The following SFMBT2 variants were observed in gnomAD, a reference collection of about 807,000 sequenced individuals.
SFMBT2 encodes scm-like with four MBT domains protein 2.
A neutral mutation model predicts 110.1 loss-of-function variants in SFMBT2; 38 were observed. That is an observed-to-expected ratio of 0.35 (90% CI 0.27 to 0.45). SFMBT2 has a LOEUF of 0.45. Ranked by LOEUF, SFMBT2 falls within the 20% of genes least tolerant of loss-of-function variation. SFMBT2 has a pLI of 1.00. For missense variants in SFMBT2, 1,011 were observed against 1,094.9 expected (o/e 0.92, Z 1.08); for synonymous variants, 425 against 425.4 (o/e 1.00, Z 0.01).
chr10:7,217,958 T>C (rs1270873665), intron 11 of SFMBT2, among the ~76,000 whole-genome samples: 2 of 152,228 alleles, frequency 1.3e-5, no homozygotes, highest in African/African-American at 2.4e-5. Context: ...TCATGTAGTT[T>C]ATTCATTGCT....
intron 4 of SFMBT2, among the ~76,000 whole-genome samples, chr10:7,357,000 A>C (rs1844537041): frequency 6.6e-6 from 1 of 152,228 alleles, no homozygotes; most frequent in African/African-American, 2.4e-5. Context: ...CACAGCATTA[A>C]AGATAATCCA....
At chr10:7,228,496 G>C in intron 9 of SFMBT2, 8 of 337,782 alleles carry the variant, frequency 2.4e-5, no homozygotes, top group Non-Finnish European at 2.9e-5. Context: ...AATGAGGGAA[G>C]GAAGGCAAAC....
intron 4 of SFMBT2, among the ~76,000 whole-genome samples, chr10:7,362,800 A>G (rs1358963509): frequency 6.6e-6 from 1 of 152,348 alleles, no homozygotes; most frequent in East Asian, 1.9e-4. Flanking sequence ...TGCTGACCTA[A>G]TGACAGTGTC....
At chr10:7,407,855 C>G (rs1846259996) in intron 1 of SFMBT2, among the ~76,000 whole-genome samples, 1 of 152,100 alleles carries the variant, frequency 6.6e-6, no homozygotes, top group Non-Finnish European at 1.5e-5. Flanking sequence ...ATCCGCGTCC[C>G]CGGGAACTCC....
intron 11 of SFMBT2, among the ~76,000 whole-genome samples, chr10:7,211,575 G>A (rs535009660): frequency 4.6e-5 from 7 of 152,156 alleles, no homozygotes; most frequent in South Asian, 4.2e-4. Context: ...CACCTGTGGC[G>A]GGATTAAACG....
intron 9 of SFMBT2, among the ~76,000 whole-genome samples, chr10:7,228,979 C>G (rs1365645169): frequency 6.6e-6 from 1 of 151,966 alleles, no homozygotes; most frequent in Non-Finnish European, 1.5e-5. Context: ...AAAATCAAAC[C>G]AATGGACAGG....
rs552395938 is a variant in SFMBT2, at chr10:7,216,883, C to T, written c.1330+3528G>A. On this transcript the variant is annotated intron_variant, in intron 11 of 20. Coordinates refer to ENST00000397167, the MANE Select transcript of SFMBT2 (RefSeq NM_001387889.1). ...TCCCTGGGGACACTTCCAAGGAAGC[C>T]GAGGAATCAGGACCAGCCCCTCTAT... is the stretch of plus-strand genomic sequence containing the variant. Among the ~76,000 whole-genome samples, 10 of 152,258 alleles carry T rather than the reference C, an allele frequency of 6.6e-5. No homozygotes were observed. In the East Asian group the frequency reaches 1.5e-3, roughly 24 times the overall value.
rs186438050 is a variant in SFMBT2 at position 7,203,636 on chromosome 10, T to C, written c.1445-1114A>G. The C allele has an allele frequency of 1.8e-4, 173 of 970,122 alleles. 1 individual carries two copies. In the African/African-American group the frequency reaches 1.9e-3, roughly 11 times the overall value. 60.1% of individuals were successfully genotyped at this position (970,122 alleles called of 1,614,324 possible). On this transcript the variant is annotated intron_variant, in intron 12 of 20. Coordinates refer to ENST00000397167, the MANE Select transcript of SFMBT2 (RefSeq NM_001387889.1). ...TGAGGGACAACAAGGACAGAGGGGATTGGAACCCCAACCCCAGGACAACAC... is the reference window on the plus strand; with the variant it reads ...TGAGGGACAACAAGGACAGAGGGGACTGGAACCCCAACCCCAGGACAACAC...
chr10:7,303,280 T>C (rs1351503460), intron 4 of SFMBT2, among the ~76,000 whole-genome samples: 2 of 152,240 alleles, frequency 1.3e-5, no homozygotes, highest in Non-Finnish European at 2.9e-5. Context: ...TAACTTATGG[T>C]TTTCTTCCTG....
At chr10:7,220,213 T>C (rs143335135) in intron 11 of SFMBT2, among the ~76,000 whole-genome samples, 198 bp downstream of exon 11, 2,464 of 152,342 alleles carry the variant, frequency 0.016, 33 homozygotes, top group Admixed American at 0.021. Context: ...TGCATGAAAT[T>C]ATTAGTTAAG....
intron 4 of SFMBT2, among the ~76,000 whole-genome samples, chr10:7,311,045 CAAAAA>C (rs201310544): frequency 5.2e-5 from 5 of 96,942 alleles, no homozygotes; most frequent in African/African-American, 1.6e-4. Context: ...AACTCCATCT[CAAAAA>C]AAAAAAAAAA....
chr10:7,325,634 T>G (rs1249189432), intron 4 of SFMBT2, among the ~76,000 whole-genome samples: 1 of 152,122 alleles, frequency 6.6e-6, no homozygotes, highest in Non-Finnish European at 1.5e-5. Context: ...CGTAAGAAAA[T>G]AAAGCACACT....
intron 7 of SFMBT2, among the ~76,000 whole-genome samples, chr10:7,253,530 C>T (rs1395851091): frequency 1.3e-5 from 2 of 152,106 alleles, no homozygotes; most frequent in Non-Finnish European, 2.9e-5. Context: ...AAAAACAGTT[C>T]GTAAGTTATA....
intron 13 of SFMBT2, among the ~76,000 whole-genome samples, chr10:7,201,639 CT>C (rs1838962527): frequency 6.6e-6 from 1 of 152,188 alleles, no homozygotes; most frequent in Admixed American, 6.5e-5. Context: ...CTGTTTTCAC[CT>C]GTCTTTCCAT....
intron 16 of SFMBT2, among the ~76,000 whole-genome samples, chr10:7,184,814 G>A (rs1273836446): frequency 6.6e-6 from 1 of 152,132 alleles, no homozygotes; most frequent in Non-Finnish European, 1.5e-5. Flanking sequence ...TCAAATGCTG[G>A]AGGAAGAATT....
At chr10:7,214,121 G>C (rs1198775713) in intron 11 of SFMBT2, among the ~76,000 whole-genome samples, 2 of 152,144 alleles carry the variant, frequency 1.3e-5, no homozygotes, top group Non-Finnish European at 2.9e-5. Flanking sequence ...GTAGAGAAAC[G>C]TACTAAAAAG....
At chr10:7,213,797 C>CAG (rs1839438750) in intron 11 of SFMBT2, among the ~76,000 whole-genome samples, 1 of 150,812 alleles carries the variant, frequency 6.6e-6, no homozygotes, top group Non-Finnish European at 1.5e-5. Flanking sequence ...GGCCATGGTG[C>CAG]GGGCACTCAG....
chr10:7,185,596 A>G (rs192663684), intron 16 of SFMBT2, among the ~76,000 whole-genome samples: 1 of 152,260 alleles, frequency 6.6e-6, no homozygotes, highest in Non-Finnish European at 1.5e-5. Context: ...GATAAGTGAC[A>G]GTGAGCTCTA....
chr10:7,392,742 T>A (rs1422023344), intron 1 of SFMBT2, among the ~76,000 whole-genome samples: 3 of 151,936 alleles, frequency 2.0e-5, no homozygotes, highest in Non-Finnish European at 4.4e-5. Context: ...GTCAGATCTA[T>A]CAATTTGCTT....
Sources: gnomAD v4.1 joint callset for allele counts (sites outside exome capture counted in the v4.1 genomes callset) on GRCh38, gnomAD v4.1.1 for gene constraint, MANE v1.5 for transcripts, NCBI Gene and HGNC (gene_info 2026-07-23, HGNC 2026-07-21) for gene names.